The following SPATA17 variants were observed in gnomAD, a reference collection of about 807,000 sequenced individuals.
SPATA17 encodes spermatogenesis-associated protein 17.
In SPATA17, 53 loss-of-function variants were observed where a neutral mutation model predicts 62.2. The observed-to-expected ratio is 0.85, with a 90% CI of 0.68 to 1.07. SPATA17 has a LOEUF of 1.07. Among genes scored for constraint, SPATA17 ranks in the 50% least tolerant of loss-of-function variants. SPATA17 has a pLI of 0.00. For missense variants in SPATA17, 466 were observed against 425.5 expected (o/e 1.10, Z -0.84); for synonymous variants, 146 against 146.8 (o/e 0.99, Z 0.04).
At chr1:217,685,891 C>A (rs1037742470) in intron 5 of SPATA17, among the ~76,000 whole-genome samples, 1 of 152,002 alleles carries the variant, frequency 6.6e-6, no homozygotes, top group East Asian at 1.9e-4. Flanking sequence ...CGAGAACACC[C>A]ATTTGTATGA....
At chr1:217,689,208 G>A (rs1571732604) in intron 5 of SPATA17, among the ~76,000 whole-genome samples, 1 of 140,910 alleles carries the variant, frequency 7.1e-6, no homozygotes, top group African/African-American at 2.6e-5. Context: ...AAATCAGATA[G>A]CATTTATTAT....
At chr1:217,689,857 C>T (rs535191729) in intron 5 of SPATA17, among the ~76,000 whole-genome samples, 2 of 151,684 alleles carry the variant, frequency 1.3e-5, no homozygotes, top group South Asian at 4.2e-4. Context: ...AACCCCTGTA[C>T]CATCACAGAA....
chr1:217,841,017 AT>A (rs1159237964), intron 9 of SPATA17, among the ~76,000 whole-genome samples: 36 of 151,132 alleles, frequency 2.4e-4, no homozygotes, highest in Admixed American at 1.6e-3. Flanking sequence ...AAATAAAAAA[AT>A]GTTACTTTAA....
At chr1:217,866,443 A>G (rs1204278140) in intron 10 of SPATA17, 1 of 151,940 alleles carries the variant, frequency 6.6e-6, no homozygotes, top group Non-Finnish European at 1.5e-5. Context: ...TTTTTTGTTT[A>G]TGGTTTTTAG....
intron 1 of SPATA17, among the ~76,000 whole-genome samples, chr1:217,643,188 T>G (rs1670105504): frequency 6.6e-6 from 1 of 152,180 alleles, no homozygotes; most frequent in African/African-American, 2.4e-5. Context: ...TTCTCTTACC[T>G]TTTCTGACAG....
chr1:217,765,410 A>C (rs1673275602), intron 6 of SPATA17, among the ~76,000 whole-genome samples: 1 of 151,756 alleles, frequency 6.6e-6, no homozygotes, highest in Admixed American at 6.6e-5. Flanking sequence ...AATGCAATAA[A>C]TTTTCCTTTA....
At chr1:217,861,837 G>A (rs1675903079) in intron 9 of SPATA17, among the ~76,000 whole-genome samples, 2 of 152,256 alleles carry the variant, frequency 1.3e-5, no homozygotes, top group Admixed American at 1.3e-4. Flanking sequence ...CAAACACAGA[G>A]CAACAGATGT....
At chr1:217,655,646 A>C (rs937340134) in intron 3 of SPATA17, among the ~76,000 whole-genome samples, 3 of 152,132 alleles carry the variant, frequency 2.0e-5, no homozygotes, top group African/African-American at 7.2e-5. Flanking sequence ...TTGCTATAAG[A>C]GATTTTCCTC....
intron 9 of SPATA17, chr1:217,850,442 A>T: frequency 7.4e-7 from 1 of 1,358,736 alleles, no homozygotes; most frequent in Non-Finnish European, 1.0e-6. Flanking sequence ...TACAGGGTCA[A>T]CTCTTTCTGG....
Position 217,858,676 on chromosome 1 carries a change from C to T in SPATA17, c.1006-4098C>T, listed in dbSNP as rs181251709. 7.9e-3 allele frequency among the ~76,000 whole-genome samples: 1,205 copies of T among 152,026 alleles called. 10 individuals are homozygous for T. Among genetic ancestry groups the T allele is most frequent in the Non-Finnish European group, 0.013 (878 of 67,970 alleles). ...GCTGAGGTGGGAGGATCCCTTGAGC[C>T]CAGGAGTTCAAGGCCAGCCTGGGCG... On this transcript the variant is annotated intron_variant, in intron 9 of 10. Transcript: ENST00000366933.
chr1:217,661,226 G>A (rs569585494), intron 3 of SPATA17, among the ~76,000 whole-genome samples: 1 of 151,800 alleles, frequency 6.6e-6, no homozygotes, highest in Admixed American at 6.6e-5. Context: ...TAGAATTTAG[G>A]AAGAGGAAAG....
rs373011147 is a variant in SPATA17 at position 217,706,120 on chromosome 1, T to C, written c.395+22759T>C. 1.2e-4 allele frequency among the ~76,000 whole-genome samples: 18 copies of C among 152,322 alleles called. No homozygotes were observed. In the East Asian group the frequency reaches 2.3e-3, roughly 20 times the overall value. On this transcript the variant is annotated intron_variant, in intron 5 of 10. Coordinates refer to ENST00000366933, the MANE Select transcript of SPATA17 (RefSeq NM_138796.4). ...TGTTTTGGTTTCTGTAGTCTTGTAG[T>C]ATAGTTTGAATTTGAGTAACATGAT...
At chr1:217,731,176 A>G (rs781538778) in intron 5 of SPATA17, among the ~76,000 whole-genome samples, 1 of 151,924 alleles carries the variant, frequency 6.6e-6, no homozygotes, top group Non-Finnish European at 1.5e-5. Flanking sequence ...ATATTAGTGT[A>G]GTGTACCCTC....
At chr1:217,759,561 A>G (rs1260250658) in intron 6 of SPATA17, among the ~76,000 whole-genome samples, 2 of 152,208 alleles carry the variant, frequency 1.3e-5, no homozygotes, top group Non-Finnish European at 2.9e-5. Context: ...AAGGAATACT[A>G]AAATGCTTTG....
At chr1:217,646,610 C>G (rs1347857884) in intron 1 of SPATA17, among the ~76,000 whole-genome samples, 1 of 151,854 alleles carries the variant, frequency 6.6e-6, no homozygotes, top group East Asian at 1.9e-4. Flanking sequence ...AAAACCCAGC[C>G]TCTGAGCTGA....
chr1:217,668,091 A>AT (rs1318027370), intron 3 of SPATA17, among the ~76,000 whole-genome samples: 2 of 152,114 alleles, frequency 1.3e-5, no homozygotes, highest in African/African-American at 4.8e-5. Flanking sequence ...CTTTTTTCTG[A>AT]TTTTTGCCTG....
chr1:217,819,931 G>T lies in SPATA17; in HGVS notation c.1005+18081G>T, dbSNP rs562199332. On this transcript the variant is annotated intron_variant, in intron 9 of 10. Transcript: ENST00000366933. ...CTGAACACCTTCTATGAGGCAGGAA[G>T]TATGCTAGACAATTTAGAATGTAAA... 2.0e-5 allele frequency among the ~76,000 whole-genome samples: 3 copies of T among 152,088 alleles called. No homozygotes were observed. In the South Asian group the frequency reaches 6.2e-4, roughly 32 times the overall value.
Position 217,688,168 on chromosome 1 carries a change from T to A in SPATA17, c.395+4807T>A, listed in dbSNP as rs983329667. ...TCACTTGAGCCCAGGAGTCTGAGGATCACTTGAGCCCAGGAGTGTGATTGT... is the reference window on the plus strand; with the variant it reads ...TCACTTGAGCCCAGGAGTCTGAGGAACACTTGAGCCCAGGAGTGTGATTGT... On this transcript the variant is annotated intron_variant, in intron 5 of 10. Coordinates refer to ENST00000366933, the MANE Select transcript of SPATA17 (RefSeq NM_138796.4). 3.3e-5 allele frequency among the ~76,000 whole-genome samples: 5 copies of A among 152,244 alleles called. No homozygotes were observed. In the East Asian group the frequency reaches 5.8e-4, roughly 18 times the overall value.
At chr1:217,722,259 C>G (rs1043701358) in intron 5 of SPATA17, among the ~76,000 whole-genome samples, 7 of 152,040 alleles carry the variant, frequency 4.6e-5, no homozygotes, top group African/African-American at 1.7e-4. Flanking sequence ...ATTATTCAAA[C>G]AAATTGGCAA....
Sources: allele counts gnomAD v4.1 joint callset (sites outside exome capture counted in the v4.1 genomes callset), GRCh38; gene constraint gnomAD v4.1.1; transcripts MANE v1.5; gene names NCBI Gene and HGNC (gene_info 2026-07-23, HGNC 2026-07-21).